Variants in SEMA3C observed in about 807,000 individuals in gnomAD.
SEMA3C encodes semaphorin 3C.
A neutral mutation model predicts 89.4 loss-of-function variants in SEMA3C; 47 were observed. The ratio of observed to expected loss-of-function variants is 0.53; its 90% CI spans 0.42 to 0.67. The LOEUF is 0.67. SEMA3C is among the 30% of genes least tolerant of loss of function. The pLI, the probability that SEMA3C is intolerant of heterozygous loss-of-function variation, is 0.00. For missense variants in SEMA3C, 839 were observed against 929.1 expected (o/e 0.90, Z 1.26); for synonymous variants, 310 against 320.2 (o/e 0.97, Z 0.34).
chr7:80,903,965 C>G (rs145932341), intron 2 of SEMA3C, among the ~76,000 whole-genome samples: 4 of 152,134 alleles, frequency 2.6e-5, no homozygotes, highest in Non-Finnish European at 5.9e-5. Context: ...CACCATTAGA[C>G]ACAGAGGGCA....
intron 4 of SEMA3C, 125 bp from the exon 5 acceptor site, chr7:80,818,543 A>AT: frequency 9.8e-7 from 1 of 1,024,992 alleles, no homozygotes; most frequent in African/African-American, 1.6e-5. Context: ...TTGATGTATT[A>AT]GTCCAGGGGC....
chr7:80,853,304 G>A (rs1026755676), intron 2 of SEMA3C, among the ~76,000 whole-genome samples: 2 of 152,148 alleles, frequency 1.3e-5, no homozygotes, highest in Admixed American at 6.5e-5. Flanking sequence ...ATGTTAAAGA[G>A]TCATCTGCAC....
At chr7:80,780,690 C>A (rs1327424423) in intron 12 of SEMA3C, among the ~76,000 whole-genome samples, 2 of 152,084 alleles carry the variant, frequency 1.3e-5, no homozygotes, top group East Asian at 3.9e-4. Context: ...TCAAGATCAG[C>A]CTGGGCAACG....
chr7:80,744,759 G>T lies in SEMA3C; in HGVS notation c.*135C>A. 1 of 914,680 alleles carries T rather than the reference G, an allele frequency of 1.1e-6. No individual in the cohort carries two copies. Among genetic ancestry groups the T allele is most frequent in the Non-Finnish European group, 1.7e-6 (1 of 582,836 alleles). 56.7% of individuals were successfully genotyped at this position (914,680 alleles called of 1,614,324 possible). A position where few individuals can be genotyped will look rare whatever the true frequency, so the allele number is the denominator to read the frequency against. On this transcript the variant is annotated 3_prime_UTR_variant, in exon 18 of 18. Transcript: ENST00000265361. ...AGAAAATGCATGCTCATTTCAGTTC[G>T]TGTAAAACTCACTTCAGGAGTAATC...
chr7:80,763,936 A>G lies in SEMA3C; in HGVS notation c.1443+1219T>C, dbSNP rs967442565. On this transcript the variant is annotated intron_variant, in intron 13 of 17. Coordinates refer to ENST00000265361, the MANE Select transcript of SEMA3C (RefSeq NM_006379.5). Reference sequence around the variant, plus strand: ...TTATGAGCCCGATTTTAACACACCAATCACAAAGAACCTGTGCCAAAGTTA... The same window carrying G: ...TTATGAGCCCGATTTTAACACACCAGTCACAAAGAACCTGTGCCAAAGTTA... Among the ~76,000 whole-genome samples, 6 of 152,228 alleles carry G rather than the reference A, an allele frequency of 3.9e-5. No homozygotes were observed. The East Asian group carries it at 1.2e-3, about 29-fold the overall frequency.
At chr7:80,784,794 A>C (rs1296343264) in intron 12 of SEMA3C, among the ~76,000 whole-genome samples, 2 of 152,106 alleles carry the variant, frequency 1.3e-5, no homozygotes, top group Non-Finnish European at 2.9e-5. Context: ...AAATCATATA[A>C]TCTTCACTGC....
intron 2 of SEMA3C, among the ~76,000 whole-genome samples, chr7:80,846,383 G>T (rs939773244): frequency 6.6e-6 from 1 of 152,098 alleles, no homozygotes; most frequent in Non-Finnish European, 1.5e-5. Flanking sequence ...TTGAGACAAG[G>T]TCTCACTCTG....
chr7:80,912,083 T>G (rs2116242676), intron 2 of SEMA3C, among the ~76,000 whole-genome samples: 1 of 152,186 alleles, frequency 6.6e-6, no homozygotes, highest in East Asian at 1.9e-4. Flanking sequence ...CAGAATATCA[T>G]TTATTGGCAA....
chr7:80,863,414 G>A (rs1199894314), intron 2 of SEMA3C, among the ~76,000 whole-genome samples: 1 of 151,316 alleles, frequency 6.6e-6, no homozygotes, highest in Middle Eastern at 3.3e-3. Flanking sequence ...TGGTAAGAAT[G>A]CAAACTAGTA....
intron 2 of SEMA3C, among the ~76,000 whole-genome samples, chr7:80,895,305 G>A (rs190386719): frequency 9.7e-4 from 147 of 152,202 alleles, no homozygotes; most frequent in Non-Finnish European, 1.2e-3. Flanking sequence ...AGAAAGCAAT[G>A]GAAAATGGAA....
chr7:80,794,047 G>A (rs922288459), intron 11 of SEMA3C, among the ~76,000 whole-genome samples: 2 of 151,956 alleles, frequency 1.3e-5, no homozygotes, highest in Non-Finnish European at 2.9e-5. Flanking sequence ...TTGAAGACTT[G>A]TGCTTATGTA....
At chr7:80,835,736 G>C (rs1202170627) in intron 2 of SEMA3C, among the ~76,000 whole-genome samples, 2 of 152,174 alleles carry the variant, frequency 1.3e-5, no homozygotes, top group Non-Finnish European at 2.9e-5. Flanking sequence ...GCAGCCACTT[G>C]TGGGCTTACC....
chr7:80,919,176 G>C, upstream of SEMA3C: 1 of 984,764 alleles, frequency 1.0e-6, no homozygotes, highest in African/African-American at 1.7e-5. Context: ...CGCAGCCCCG[G>C]CCGCATCTCC....
intron 12 of SEMA3C, among the ~76,000 whole-genome samples, chr7:80,765,730 C>A (rs897260894): frequency 1.3e-5 from 2 of 152,070 alleles, no homozygotes; most frequent in Non-Finnish European, 2.9e-5. Flanking sequence ...GTGCCCGCCA[C>A]CACGCCTGGC....
intron 12 of SEMA3C, among the ~76,000 whole-genome samples, chr7:80,772,756 A>G (rs1012010504): frequency 9.2e-5 from 14 of 151,770 alleles, no homozygotes; most frequent in African/African-American, 2.9e-4. Flanking sequence ...AAGTTAAAAT[A>G]CTTTGTTGCA....
rs1583894874 is a variant in SEMA3C at position 80,805,814 on chromosome 7, T to C, written c.539-56A>G. 4 of 1,328,562 alleles carry C rather than the reference T, an allele frequency of 3.0e-6. No individual in the cohort carries two copies. In the East Asian group the frequency reaches 9.6e-5, roughly 32 times the overall value. The allele number at this position is 1,328,562 out of a possible 1,614,324, so 82.3% of individuals were successfully genotyped here. A position where few individuals can be genotyped will look rare whatever the true frequency, so the allele number is the denominator to read the frequency against. ...AATTTTTAAAGCTATTTTGAAATTC[T>C]AGGTGAGTTTATTTATTAGGAGATC... On this transcript the variant is annotated intron_variant, in intron 6 of 17. Coordinates refer to ENST00000265361, the MANE Select transcript of SEMA3C (RefSeq NM_006379.5).
intron 2 of SEMA3C, among the ~76,000 whole-genome samples, chr7:80,893,698 C>T (rs1414332329): frequency 4.0e-5 from 6 of 151,856 alleles, no homozygotes; most frequent in Admixed American, 6.6e-5. Context: ...CATATTGATA[C>T]GTGCTACTGT....
At position 80,827,426 on chromosome 7, in the gene SEMA3C, G is replaced by C. The variant is rs371047163; in HGVS notation, c.326C>G (p.Thr109Arg). ...EECKMAGKDP[T>R]HGCGNFVRVI... ...TTTTTTTTTTTTTTTAACACTTACT[G>C]TGGGATCTTTGCCAGCCATTTTGCA... Residue 109 changes from threonine (T) to arginine (R), a missense_variant and splice_region_variant, in exon 4 of 18, where the codon ACA becomes AGA. Transcript: ENST00000265361. The C allele has an allele frequency of 1.5e-6, 2 of 1,343,460 alleles. No homozygotes were observed. Among genetic ancestry groups the C allele is most frequent in the Non-Finnish European group, 2.0e-6 (2 of 985,512 alleles). The allele number at this position is 1,343,460 out of a possible 1,614,324, so 83.2% of individuals were successfully genotyped here. A position where few individuals can be genotyped will look rare whatever the true frequency, so the allele number is the denominator to read the frequency against.
intron 4 of SEMA3C, among the ~76,000 whole-genome samples, chr7:80,823,752 A>G (rs561715462): frequency 3.0e-4 from 45 of 152,216 alleles, no homozygotes; most frequent in African/African-American, 1.0e-3. Flanking sequence ...ATCCTACTTA[A>G]TTTTTCAACC....
Sources: gnomAD v4.1 joint callset for allele counts (sites outside exome capture counted in the v4.1 genomes callset) on GRCh38, gnomAD v4.1.1 for gene constraint, MANE v1.5 for transcripts, NCBI Gene and HGNC (gene_info 2026-07-23, HGNC 2026-07-21) for gene names.